The following C5orf24 variants were observed in gnomAD, a reference collection of about 807,000 sequenced individuals.
C5orf24 encodes the protein UPF0461 protein C5orf24.
C5orf24 carries 4 observed loss-of-function variants against 9.8 expected under a neutral mutation model. The ratio of observed to expected loss-of-function variants is 0.41; its 90% CI spans 0.20 to 0.93. The LOEUF is 0.93. Ranked by LOEUF, C5orf24 falls within the 40% of genes least tolerant of loss-of-function variation. The pLI, the probability that C5orf24 is intolerant of heterozygous loss-of-function variation, is 0.33. For missense variants in C5orf24, 170 were observed against 236.9 expected, an observed-to-expected ratio of 0.72 and a Z score of 1.85; for synonymous variants, 73 against 81.3, an observed-to-expected ratio of 0.90 and a Z score of 0.55.
At chr5:134,841,700 C>CT (rs1196060764), upstream of C5orf24, among the ~76,000 whole-genome samples, 8 of 152,214 alleles carry the variant, frequency 5.3e-5, no homozygotes, top group Non-Finnish European at 1.0e-4. Flanking sequence ...GATGGCAACT[C>CT]TAACATCACA....
chr5:134,850,919 CATATAT>C (rs201093286), intron 1 of C5orf24, among the ~76,000 whole-genome samples: 2 of 140,440 alleles, frequency 1.4e-5, no homozygotes, highest in African/African-American at 5.5e-5. Context: ...TATGAATGTT[CATATAT>C]ATATATATAT....
At position 134,857,552 on chromosome 5, in the gene C5orf24, T is replaced by C; in HGVS notation, c.*2085T>C. The C allele has an allele frequency of 3.0e-6, 3 of 1,015,280 alleles. No individual in the cohort carries two copies. The highest frequency in any genetic ancestry group is 6.3e-5 in the East Asian group (2 of 31,824). The allele number at this position is 1,015,280 out of a possible 1,614,324, so 62.9% of individuals were successfully genotyped here. A position where few individuals can be genotyped will look rare whatever the true frequency, so the allele number is the denominator to read the frequency against. On this transcript the variant is annotated 3_prime_UTR_variant, in exon 2 of 2. Coordinates refer to ENST00000394976, the MANE Select transcript of C5orf24 (RefSeq NM_001135586.1). ...TGTTGGATGGTTACATAATCAGTTA[T>C]AACATTCTGGCAGCTAAATTGCTAC...
At chr5:134,836,357 G>C in the C5orf24 span, among the ~76,000 whole-genome samples, 62 of 151,976 alleles carry the variant, frequency 4.1e-4, no homozygotes, top group Admixed American at 1.2e-3. Flanking sequence ...AATTTTAGTA[G>C]AGACAAGGTT....
chr5:134,846,792 T>C (rs892093085), intron 1 of C5orf24: 3 of 152,198 alleles, frequency 2.0e-5, no homozygotes, highest in African/African-American at 7.2e-5. Context: ...CGTCCTATTA[T>C]CAAAACTTTC....
At chr5:134,842,605 GGTTCACCAAATGGCTGGT>G (rs1221748284), upstream of C5orf24, among the ~76,000 whole-genome samples, 2 of 152,052 alleles carry the variant, frequency 1.3e-5, no homozygotes, top group South Asian at 2.1e-4. Flanking sequence ...ACTAGCTAGT[GGTTCACCAAATGGCTGGT>G]GTTATTTTAC....
chr5:134,853,522 C>T (rs1196465329), intron 1 of C5orf24, among the ~76,000 whole-genome samples: 4 of 134,282 alleles, frequency 3.0e-5, no homozygotes, highest in Admixed American at 7.7e-5. Context: ...CCTTCTTCTT[C>T]TTCTTCTTTT....
Position 134,854,975 on chromosome 5 carries a change from C to T in C5orf24, c.75C>T (p.Ala25=). Reference sequence around the variant, plus strand: ...AGCCTTCCTGCCTCAATGAAGATGCCATGAGAGCTGCTGATCAGTTTGACA... The same window carrying T: ...AGCCTTCCTGCCTCAATGAAGATGCTATGAGAGCTGCTGATCAGTTTGACA... The part of the protein sequence containing the change: ...PGKPSCLNED[A]MRAADQFDIY... Residue 25 remains alanine, a synonymous_variant, in exon 2 of 2, where the codon GCC becomes GCT. Coordinates refer to ENST00000394976, the MANE Select transcript of C5orf24 (RefSeq NM_001135586.1). The T allele has an allele frequency of 6.2e-7, 1 of 1,614,104 alleles. No homozygotes were observed. Among genetic ancestry groups the T allele is most frequent in the East Asian group, 2.2e-5 (1 of 44,888 alleles).
Position 134,857,524 on chromosome 5 carries a change from C to T in C5orf24, c.*2057C>T, listed in dbSNP as rs1294796641. On this transcript the variant is annotated 3_prime_UTR_variant, in exon 2 of 2. Transcript: ENST00000394976. ...TTAGCTTTGCACAAACCATAGAGAACGATGTTGGATGGTTACATAATCAGT... is the reference window on the plus strand; with the variant it reads ...TTAGCTTTGCACAAACCATAGAGAATGATGTTGGATGGTTACATAATCAGT... The T allele has an allele frequency of 4.8e-5, 58 of 1,218,406 alleles. No individual in the cohort carries two copies. The highest frequency in any genetic ancestry group is 2.6e-4 in the South Asian group (10 of 38,206). The allele number at this position is 1,218,406 out of a possible 1,614,324, so 75.5% of individuals were successfully genotyped here.
upstream of C5orf24, among the ~76,000 whole-genome samples, chr5:134,843,671 C>G (rs534691365): frequency 1.3e-5 from 2 of 152,340 alleles, no homozygotes; most frequent in East Asian, 1.9e-4. Flanking sequence ...ATTCTCTTGC[C>G]TCAGCCTCCC....
chr5:134,848,986 G>A (rs967385058), intron 1 of C5orf24, among the ~76,000 whole-genome samples: 5 of 150,750 alleles, frequency 3.3e-5, no homozygotes, highest in African/African-American at 7.3e-5. Context: ...GGCTGGGCGC[G>A]GTGGCTCACG....
At chr5:134,839,750 C>T in the C5orf24 span, among the ~76,000 whole-genome samples, 4 of 148,236 alleles carry the variant, frequency 2.7e-5, no homozygotes, top group African/African-American at 1.0e-4. Flanking sequence ...AGTGCAATGG[C>T]GCAGTCTCAG....
At chr5:134,839,533 T>C in the C5orf24 span, among the ~76,000 whole-genome samples, 10 of 152,118 alleles carry the variant, frequency 6.6e-5, no homozygotes, top group African/African-American at 2.4e-4. Flanking sequence ...TACATGGTAT[T>C]TTAGTTTTTT....
At chr5:134,841,714 C>A (rs745382835), upstream of C5orf24, among the ~76,000 whole-genome samples, 1 of 152,184 alleles carries the variant, frequency 6.6e-6, no homozygotes, top group Non-Finnish European at 1.5e-5. Flanking sequence ...CATCACAGTC[C>A]TAATGGCAGA....
Position 134,855,040 on chromosome 5 carries a change from A to G in C5orf24, c.140A>G (p.Asn47Ser), listed in dbSNP as rs756502340. ...SQQSKYSHTV[N>S]HKPMVCQRQD... ...CAAAGCAAATACAGCCACACAGTCA[A>G]CCACAAACCAATGGTTTGTCAGAGG... The change falls in exon 2 of 2, where the codon AAC (asparagine) becomes AGC (serine). Residue 47 changes from asparagine (N) to serine (S), a missense_variant. Asn to Ser is a conservative substitution (Grantham distance 46, BLOSUM62 1). Transcript: ENST00000394976. 5 of 1,614,066 alleles carry G rather than the reference A, an allele frequency of 3.1e-6. No individual in the cohort carries two copies. The highest frequency in any genetic ancestry group is 2.7e-5 in the African/African-American group (2 of 74,916).
At chr5:134,849,778 C>T (rs1756105306) in intron 1 of C5orf24, among the ~76,000 whole-genome samples, 1 of 150,810 alleles carries the variant, frequency 6.6e-6, no homozygotes, top group South Asian at 2.1e-4. Flanking sequence ...CTGCCTCAGC[C>T]TTCCGAGTAG....
chr5:134,837,349 TA>T, the C5orf24 span, among the ~76,000 whole-genome samples: 1 of 152,158 alleles, frequency 6.6e-6, no homozygotes, highest in Non-Finnish European at 1.5e-5. Flanking sequence ...TGAGGTGAAA[TA>T]ATACATTTAA....
the C5orf24 span, chr5:134,833,614 C>G: frequency 9.2e-5 from 14 of 152,174 alleles, no homozygotes; most frequent in African/African-American, 2.9e-4. Context: ...AGCTACGTTT[C>G]CCTTACCAGG....
upstream of C5orf24, among the ~76,000 whole-genome samples, chr5:134,843,969 A>G (rs986361321): frequency 6.6e-6 from 1 of 152,220 alleles, no homozygotes; most frequent in Admixed American, 6.5e-5. Context: ...GACTTGCCCA[A>G]AATACCATGG....
chr5:134,856,827 A>G lies in C5orf24; in HGVS notation c.*1360A>G. 1.0e-6 allele frequency: 1 copy of G among 1,000,422 alleles called. No individual in the cohort carries two copies. Among genetic ancestry groups the G allele is most frequent in the Non-Finnish European group, 1.2e-6 (1 of 830,128 alleles). The allele number at this position is 1,000,422 out of a possible 1,614,324, so 62.0% of individuals were successfully genotyped here. A position where few individuals can be genotyped will look rare whatever the true frequency, so the allele number is the denominator to read the frequency against. On this transcript the variant is annotated 3_prime_UTR_variant, in exon 2 of 2. Transcript: ENST00000394976. Reference sequence around the variant, plus strand: ...ATGGTAGACTGTAAAACTGGTATAAACAGAATGCAGTTTCCCGACCATCAG... The same window carrying G: ...ATGGTAGACTGTAAAACTGGTATAAGCAGAATGCAGTTTCCCGACCATCAG...
Sources: allele counts gnomAD v4.1 joint callset (sites outside exome capture counted in the v4.1 genomes callset), GRCh38; gene constraint gnomAD v4.1.1; transcripts MANE v1.5; gene names NCBI Gene and HGNC (gene_info 2026-07-23, HGNC 2026-07-21).